OOSP1: variants seen among roughly 807,000 people sequenced by gnomAD.
The protein encoded by OOSP1 is oocyte secreted protein 1, also known as putative oocyte-secreted protein 1 homolog.
In OOSP1, 11 loss-of-function variants were observed where a neutral mutation model predicts 5.7. The ratio of observed to expected loss-of-function variants is 1.94; its 90% CI spans 1.22 to 3.20. OOSP1 has a LOEUF of 3.20. Ranked by LOEUF, OOSP1 falls within the 30% of genes most tolerant of loss-of-function variation. The pLI, the probability that OOSP1 is intolerant of heterozygous loss-of-function variation, is 0.00. For missense variants in OOSP1, 83 were observed against 54.1 expected, an observed-to-expected ratio of 1.53 and a Z score of -1.67; for synonymous variants, 44 against 20.0, an observed-to-expected ratio of 2.20 and a Z score of -3.20.
intron 1 of OOSP1, among the ~76,000 whole-genome samples, chr11:59,941,071 T>C (rs1853819629): frequency 6.6e-6 from 1 of 152,208 alleles, no homozygotes; most frequent in African/African-American, 2.4e-5. Flanking sequence ...AAACCTTCTG[T>C]CTCCGTTTTC....
At chr11:59,943,205 T>A (rs1853849057) in intron 2 of OOSP1, among the ~76,000 whole-genome samples, 177 bp downstream of exon 2, 1 of 99,962 alleles carries the variant, frequency 1.0e-5, no homozygotes, top group South Asian at 3.9e-4. Flanking sequence ...ATGGGGCCTG[T>A]TGTGGGGTGG....
intron 2 of OOSP1, among the ~76,000 whole-genome samples, chr11:59,943,662 A>T (rs1468205629): frequency 6.6e-6 from 1 of 152,190 alleles, no homozygotes; most frequent in Non-Finnish European, 1.5e-5. Context: ...TAATTCATGA[A>T]GTTTGGTCAA....
chr11:59,948,578 A>G, intron 4 of OOSP1: 1 of 392,972 alleles, frequency 2.5e-6, no homozygotes. Flanking sequence ...CTTACCTCCC[A>G]CTTACACCTT....
chr11:59,943,999 G>A (rs1853857053), intron 2 of OOSP1, among the ~76,000 whole-genome samples: 1 of 152,202 alleles, frequency 6.6e-6, no homozygotes, highest in Non-Finnish European at 1.5e-5. Flanking sequence ...GTAGAGTTGA[G>A]TGTGCGGAAT....
chr11:59,955,634 C>G (rs1324700487), intron 4 of OOSP1, among the ~76,000 whole-genome samples: 1 of 143,044 alleles, frequency 7.0e-6, no homozygotes, highest in Admixed American at 6.9e-5. Flanking sequence ...TTTTTTTTTT[C>G]TTTGAGACAG....
chr11:59,939,420 T>C (rs991200968), intron 1 of OOSP1, among the ~76,000 whole-genome samples: 3 of 151,948 alleles, frequency 2.0e-5, no homozygotes, highest in Admixed American at 1.3e-4. Context: ...TCCAGCTAAT[T>C]TTTGTATTTT....
At chr11:59,948,895 T>A (rs1017612188) in intron 4 of OOSP1, 8 of 396,704 alleles carry the variant, frequency 2.0e-5, no homozygotes, top group Non-Finnish European at 3.1e-5. Context: ...TCAACTGTTA[T>A]CCATCTGAAA....
At position 59,945,184 on chromosome 11, in the gene OOSP1, C is replaced by G. The variant is rs1369898277; in HGVS notation, c.274C>G (p.Leu92Val). 3 of 702,788 alleles carry G rather than the reference C, an allele frequency of 4.3e-6. No individual in the cohort carries two copies. In the African/African-American group the frequency reaches 5.2e-5, roughly 12 times the overall value. The allele number at this position is 702,788 out of a possible 1,614,324, so 43.5% of individuals were successfully genotyped here. Residue 92 changes from leucine to valine, a missense_variant, in exon 3 of 5, where the codon CTT (leucine) becomes GTT (valine). Leu to Val is a conservative substitution (Grantham distance 32, BLOSUM62 1). Coordinates refer to ENST00000646685, the Ensembl canonical transcript of OOSP1. ...TGTCTTGTAGCCTCTCCAGGAAGTT[C>G]TTCTGCTTAAAACTAAAATCAGGTA... is the stretch of plus-strand genomic sequence containing the variant.
At chr11:59,938,437 G>A (rs538616050) in exon 1 of OOSP1, 50 of 542,956 alleles carry the variant, frequency 9.2e-5, no homozygotes, top group Non-Finnish European at 1.5e-4. Context: ...AGTGAGGTTT[G>A]GTTTTCAATC....
At chr11:59,942,925 C>A in exon 2 of OOSP1, 1 of 702,844 alleles carries the variant, frequency 1.4e-6, no homozygotes, top group Non-Finnish European at 2.6e-6. Flanking sequence ...TATGTGAACC[C>A]CGATGAAGTG....
At chr11:59,944,362 G>T (rs1007099131) in intron 2 of OOSP1, among the ~76,000 whole-genome samples, 3 of 142,528 alleles carry the variant, frequency 2.1e-5, no homozygotes, top group Non-Finnish European at 4.6e-5. Context: ...AAACTGCGGG[G>T]GGGGGGCAGG....
intron 4 of OOSP1, among the ~76,000 whole-genome samples, chr11:59,953,780 G>A (rs59958253): frequency 0.011 from 1,700 of 152,250 alleles, 31 homozygotes; most frequent in African/African-American, 0.037. Flanking sequence ...ATAGGAAATC[G>A]ACATGTAATA....
At chr11:59,940,198 A>C (rs987629222) in intron 1 of OOSP1, among the ~76,000 whole-genome samples, 3 of 152,266 alleles carry the variant, frequency 2.0e-5, no homozygotes, top group African/African-American at 7.2e-5. Flanking sequence ...AACTATTTAA[A>C]ATGGATAACT....
chr11:59,953,178 T>A (rs1853958313), intron 4 of OOSP1, among the ~76,000 whole-genome samples: 1 of 152,132 alleles, frequency 6.6e-6, no homozygotes. Context: ...TTATTCTGGC[T>A]TAGAGCAGGA....
intron 1 of OOSP1, among the ~76,000 whole-genome samples, chr11:59,940,354 T>G (rs1853812387): frequency 6.6e-6 from 1 of 152,254 alleles, no homozygotes; most frequent in South Asian, 2.1e-4. Flanking sequence ...GAAGTCCCTG[T>G]GGTCATTCCT....
At chr11:59,940,222 C>T (rs1853811339) in intron 1 of OOSP1, among the ~76,000 whole-genome samples, 1 of 152,216 alleles carries the variant, frequency 6.6e-6, no homozygotes, top group Admixed American at 6.5e-5. Context: ...TTTAAAAAAG[C>T]AGGTAACTAT....
chr11:59,947,642 G>A (rs912867153), intron 3 of OOSP1, 91 bp from the exon 4 acceptor site: 1 of 395,456 alleles, frequency 2.5e-6, no homozygotes, highest in Admixed American at 4.4e-5. Flanking sequence ...ACTAATAACA[G>A]GAATTTGGCC....
chr11:59,957,002 C>T (rs1055262423), intron 4 of OOSP1, among the ~76,000 whole-genome samples, 193 bp from the exon 5 acceptor site: 19 of 151,968 alleles, frequency 1.3e-4, no homozygotes, highest in South Asian at 4.2e-4. Flanking sequence ...GCGAATTGTG[C>T]GGCTATAAAC....
At position 59,955,185 on chromosome 11, in the gene OOSP1, A is replaced by G. The variant is rs184045753; in HGVS notation, c.487-2010A>G. ...CTGGCCAAAGGAAATCTAGGACCCAATATTATATAGAAAATAAAATATTTC... is the reference window on the plus strand; with the variant it reads ...CTGGCCAAAGGAAATCTAGGACCCAGTATTATATAGAAAATAAAATATTTC... On this transcript the variant is annotated intron_variant, in intron 4 of 4. Coordinates refer to ENST00000646685, the Ensembl canonical transcript of OOSP1. Among the ~76,000 whole-genome samples the G allele has an allele frequency of 1.1e-4, 16 of 152,302 alleles. No homozygotes were observed. In the East Asian group the frequency reaches 2.7e-3, roughly 26 times the overall value.
Sources: gnomAD v4.1 joint callset for allele counts (sites outside exome capture counted in the v4.1 genomes callset) on GRCh38, gnomAD v4.1.1 for gene constraint, MANE v1.5 for transcripts, NCBI Gene and HGNC (gene_info 2026-07-23, HGNC 2026-07-21) for gene names.